CD28: variants seen among roughly 807,000 people sequenced by gnomAD.
CD28 encodes T-cell-specific surface glycoprotein CD28.
Under a neutral mutation model 21.4 loss-of-function variants are expected in CD28, and 8 were observed. The observed-to-expected ratio is 0.37, with a 90% CI of 0.22 to 0.68. The LOEUF is 0.68. Among genes scored for constraint, CD28 ranks in the 30% least tolerant of loss-of-function variants. The pLI, the probability that CD28 is intolerant of heterozygous loss-of-function variation, is 0.55. For synonymous variants in CD28, 106 were observed against 104.0 expected, an observed-to-expected ratio of 1.02 and a Z score of -0.12; for missense variants, 239 against 272.2, an observed-to-expected ratio of 0.88 and a Z score of 0.86.
rs1219957280 is a variant in CD28, at chr2:203,738,143, C to T, written c.*3231C>T. 1 of 152,196 alleles carries T rather than the reference C, an allele frequency of 6.6e-6. No homozygotes were observed. The highest frequency in any genetic ancestry group is 6.5e-5 in the Admixed American group (1 of 15,290). The allele number at this position is 152,196 out of a possible 1,614,324, so 9.4% of individuals were successfully genotyped here. On this transcript the variant is annotated 3_prime_UTR_variant, in exon 4 of 4. Coordinates refer to ENST00000324106, the MANE Select transcript of CD28 (RefSeq NM_006139.4). Reference sequence around the variant, plus strand: ...CTAGGCTTACCTATGTGTTCTGTGTCATGTGAATGCTGAGAAGTTTGACAG... The same window carrying T: ...CTAGGCTTACCTATGTGTTCTGTGTTATGTGAATGCTGAGAAGTTTGACAG...
intron 1 of CD28, among the ~76,000 whole-genome samples, chr2:203,724,552 T>A (rs1428485503): frequency 6.6e-6 from 1 of 152,162 alleles, no homozygotes; most frequent in Non-Finnish European, 1.5e-5. Context: ...AATGATTTTT[T>A]AAAAAGAATT....
intron 1 of CD28, among the ~76,000 whole-genome samples, chr2:203,718,590 A>G (rs1693524879): frequency 6.6e-6 from 1 of 152,244 alleles, no homozygotes; most frequent in Non-Finnish European, 1.5e-5. Context: ...CAACTGCAAA[A>G]GAAAGTCAGA....
chr2:203,726,073 T>A (rs974068321), intron 1 of CD28, among the ~76,000 whole-genome samples: 3 of 151,894 alleles, frequency 2.0e-5, no homozygotes, highest in African/African-American at 7.3e-5. Flanking sequence ...TAGCTGGGCG[T>A]GGTGGTGCAT....
chr2:203,719,218 T>A (rs1693543378), intron 1 of CD28, among the ~76,000 whole-genome samples: 1 of 152,078 alleles, frequency 6.6e-6, no homozygotes, highest in African/African-American at 2.4e-5. Context: ...TGTGTGACCT[T>A]GTTTGAAAAG....
rs1477081372 is a variant in CD28, at chr2:203,736,519, T to C, written c.*1607T>C. 6.6e-6 allele frequency: 1 copy of C among 152,240 alleles called. No homozygotes were observed. The highest frequency in any genetic ancestry group is 1.5e-5 in the Non-Finnish European group (1 of 68,042). 9.4% of individuals were successfully genotyped at this position (152,240 alleles called of 1,614,324 possible). On this transcript the variant is annotated 3_prime_UTR_variant, in exon 4 of 4. Transcript: ENST00000324106. Reference sequence around the variant, plus strand: ...TGGAATGTGTCTTTTGAAGAGAGCATCAGAGTTCTTAAGGGACTGGGTAAG... The same window carrying C: ...TGGAATGTGTCTTTTGAAGAGAGCACCAGAGTTCTTAAGGGACTGGGTAAG...
chr2:203,722,343 C>G (rs1381067793), intron 1 of CD28, among the ~76,000 whole-genome samples: 1 of 152,088 alleles, frequency 6.6e-6, no homozygotes, highest in Non-Finnish European at 1.5e-5. Context: ...AACAAAAAAA[C>G]AAATTGGATG....
intron 1 of CD28, among the ~76,000 whole-genome samples, chr2:203,719,670 A>T (rs1207674691): frequency 6.6e-6 from 1 of 152,218 alleles, no homozygotes; most frequent in Non-Finnish European, 1.5e-5. Flanking sequence ...TAAGATGGGC[A>T]TAAAGATGAC....
intron 1 of CD28, among the ~76,000 whole-genome samples, chr2:203,709,426 T>C (rs1693254449): frequency 6.6e-6 from 1 of 152,252 alleles, no homozygotes; most frequent in African/African-American, 2.4e-5. Context: ...CTTATTTGTT[T>C]ACAGCATAGC....
At chr2:203,723,302 C>A (rs1053002338) in intron 1 of CD28, among the ~76,000 whole-genome samples, 2 of 151,934 alleles carry the variant, frequency 1.3e-5, no homozygotes, top group African/African-American at 2.4e-5. Context: ...GCCTGGCCCA[C>A]ATGGAGAAAC....
intron 1 of CD28, among the ~76,000 whole-genome samples, chr2:203,723,393 A>G (rs1693655063): frequency 6.6e-6 from 1 of 152,044 alleles, no homozygotes; most frequent in Admixed American, 6.6e-5. Context: ...AGGCTGAGGC[A>G]GGAGGATTGC....
At chr2:203,723,304 T>C (rs558147726) in intron 1 of CD28, among the ~76,000 whole-genome samples, 1 of 151,916 alleles carries the variant, frequency 6.6e-6, no homozygotes, top group Non-Finnish European at 1.5e-5. Context: ...CTGGCCCACA[T>C]GGAGAAACCC....
At chr2:203,730,413 A>G (rs1266961481) in intron 3 of CD28, among the ~76,000 whole-genome samples, 1 of 152,132 alleles carries the variant, frequency 6.6e-6, no homozygotes, top group Non-Finnish European at 1.5e-5. Flanking sequence ...ATTTTTCTTT[A>G]CCTTCCTCAA....
At chr2:203,710,059 G>A (rs2106107821) in intron 1 of CD28, among the ~76,000 whole-genome samples, 1 of 152,262 alleles carries the variant, frequency 6.6e-6, no homozygotes. Context: ...GGTTGTATAC[G>A]GAAAGAAGTA....
chr2:203,730,675 C>G (rs1386494991), intron 3 of CD28, among the ~76,000 whole-genome samples: 1 of 152,140 alleles, frequency 6.6e-6, no homozygotes, highest in African/African-American at 2.4e-5. Context: ...AAGACTATTT[C>G]TCTTGATATT....
chr2:203,727,002 T>G lies in CD28; in HGVS notation c.409+13T>G, dbSNP rs1319899526. On this transcript the variant is annotated intron_variant, in intron 2 of 3. Coordinates refer to ENST00000324106, the MANE Select transcript of CD28 (RefSeq NM_006139.4). ...ATCCATGTGAAAGGTAACATACAAC[T>G]TTACCAGTGTACCACCCTAAAGTAA... The G allele has an allele frequency of 6.8e-7, 1 of 1,467,122 alleles. No homozygotes were observed. Among genetic ancestry groups the G allele is most frequent in the Non-Finnish European group, 9.5e-7 (1 of 1,048,716 alleles). The allele number at this position is 1,467,122 out of a possible 1,614,324, so 90.9% of individuals were successfully genotyped here.
Position 203,729,648 on chromosome 2 carries a change from G to A in CD28, c.410G>A (p.Gly137Glu). The change falls in exon 3 of 4, where the codon GGG (glycine) becomes GAG (glutamate). Residue 137 changes from glycine to glutamate, a missense_variant and splice_region_variant. Transcript: ENST00000324106. The stretch of plus-strand genomic sequence containing the variant: ...TAATCCACTCTATTTTGTTTTTCAG[G>A]GAAACACCTTTGTCCAAGTCCCCTA... ...KSNGTIIHVKGKHLCPSPLFP... is the reference protein window; with the variant it reads ...KSNGTIIHVKEKHLCPSPLFP... The A allele has an allele frequency of 6.2e-7, 1 of 1,613,004 alleles. No homozygotes were observed. The highest frequency in any genetic ancestry group is 1.1e-5 in the South Asian group (1 of 90,784).
At chr2:203,726,173 T>G (rs1693742958) in intron 1 of CD28, among the ~76,000 whole-genome samples, 1 of 152,182 alleles carries the variant, frequency 6.6e-6, no homozygotes, top group African/African-American at 2.4e-5. Context: ...ATTGCACCAC[T>G]GCACTTCAGC....
chr2:203,727,966 C>T (rs1237415622), intron 2 of CD28, among the ~76,000 whole-genome samples: 3 of 152,112 alleles, frequency 2.0e-5, no homozygotes, highest in African/African-American at 7.2e-5. Context: ...CGTGAGCCAC[C>T]GCGCCCAGCC....
chr2:203,734,474 T>C (rs969382568), intron 3 of CD28, among the ~76,000 whole-genome samples: 2 of 152,236 alleles, frequency 1.3e-5, no homozygotes, highest in African/African-American at 4.8e-5. Context: ...AGGAAGGGCC[T>C]TCAAGTGTAT....
Sources: gnomAD v4.1 joint callset for allele counts (sites outside exome capture counted in the v4.1 genomes callset) on GRCh38, gnomAD v4.1.1 for gene constraint, MANE v1.5 for transcripts, NCBI Gene and HGNC (gene_info 2026-07-23, HGNC 2026-07-21) for gene names.